PCNX2: variants seen among roughly 807,000 people sequenced by gnomAD.
PCNX2 encodes pecanex-like protein 2.
A neutral mutation model predicts 223.8 loss-of-function variants in PCNX2; 168 were observed. That is an observed-to-expected ratio of 0.75 (90% CI 0.66 to 0.85). The LOEUF is 0.85. PCNX2 is among the 40% of genes least tolerant of loss of function. PCNX2 has a pLI of 0.00. For synonymous variants in PCNX2, 1,006 were observed against 1,052.6 expected (o/e 0.96, Z 0.86); for missense variants, 2,507 against 2,675.5 (o/e 0.94, Z 1.39).
At position 233,079,052 on chromosome 1, in the gene PCNX2, C is replaced by T. The variant is rs892832621; in HGVS notation, c.4076+11009G>A. Among the ~76,000 whole-genome samples, 6 of 152,206 alleles carry T rather than the reference C, an allele frequency of 3.9e-5. No homozygotes were observed. The East Asian group carries it at 7.7e-4, about 20-fold the overall frequency. On this transcript the variant is annotated intron_variant, in intron 23 of 33. Coordinates refer to ENST00000258229, the MANE Select transcript of PCNX2 (RefSeq NM_014801.4). ...AGGCAGAGAAGGGAAGTGGAAGGAC[C>T]AGCCTAAGTCACAGGGCACCTTGGT...
intron 23 of PCNX2, among the ~76,000 whole-genome samples, chr1:233,081,669 T>C (rs911028428): frequency 6.6e-6 from 1 of 152,198 alleles, no homozygotes; most frequent in African/African-American, 2.4e-5. Flanking sequence ...GCTATAAATG[T>C]TTTGTGGTCC....
chr1:233,208,594 G>T lies in PCNX2; in HGVS notation c.2787C>A (p.His929Gln). Residue 929 changes from histidine (H) to glutamine (Q), a missense_variant, in exon 13 of 34, where the codon CAC becomes CAA. By Grantham distance (24) the His-to-Gln change is conservative. This residue lies in a region of PCNX2 where 104 missense variants were observed against 144.4 expected (regional missense o/e 0.72). Coordinates refer to ENST00000258229, the MANE Select transcript of PCNX2 (RefSeq NM_014801.4). ...GGCCATACACAACGTAACTGGGAGG[G>T]TGCCTGGCTTTGGCCCCTGTATCAA... Reference protein sequence around the residue: ...LLLDTGAKARHPPSYVVYGLK... With the variant: ...LLLDTGAKARQPPSYVVYGLK... 6.2e-7 allele frequency: 1 copy of T among 1,613,778 alleles called. No homozygotes were observed. The highest frequency in any genetic ancestry group is 8.5e-7 in the Non-Finnish European group (1 of 1,179,862).
intron 32 of PCNX2, among the ~76,000 whole-genome samples, chr1:232,988,855 C>G (rs571466381): frequency 6.6e-6 from 1 of 152,226 alleles, no homozygotes; most frequent in Admixed American, 6.5e-5. Flanking sequence ...GTTGTCAGGA[C>G]CTAGATGAGG....
At position 233,182,236 on chromosome 1, in the gene PCNX2, G is replaced by A. The variant is rs181281295; in HGVS notation, c.3067-3061C>T. Among the ~76,000 whole-genome samples the A allele has an allele frequency of 1.3e-3, 196 of 152,316 alleles. 1 individual carries two copies. The highest frequency in any genetic ancestry group is 1.5e-3 in the East Asian group (8 of 5,184). On this transcript the variant is annotated intron_variant, in intron 15 of 33. Coordinates refer to ENST00000258229, the MANE Select transcript of PCNX2 (RefSeq NM_014801.4). ...GGAGGGGTCAATGCAGCCCCCACTT[G>A]ATGACGGACACCTGAGAGCTGTTTC...
At chr1:233,038,539 A>G (rs1486495105) in intron 25 of PCNX2, among the ~76,000 whole-genome samples, 3 of 152,306 alleles carry the variant, frequency 2.0e-5, no homozygotes, top group East Asian at 3.9e-4. Flanking sequence ...TCCTATTAAC[A>G]GGTCACACAA....
chr1:233,139,544 T>G lies in PCNX2; in HGVS notation c.3659+170A>C, dbSNP rs1221671293. ...CATTTGCACCCCAGTCATTCTACAA[T>G]AACTGTCTAGCTCCAGTGGGTTTTG... On this transcript the variant is annotated intron_variant, in intron 20 of 33. Transcript: ENST00000258229. This position sits in a 1 kb window ranked among gnomAD's most constrained non-coding sequence, Gnocchi z 4.4. Among the ~76,000 whole-genome samples, 1 of 152,210 alleles carries G rather than the reference T, an allele frequency of 6.6e-6. No individual in the cohort carries two copies. The highest frequency in any genetic ancestry group is 1.5e-5 in the Non-Finnish European group (1 of 68,034).
intron 15 of PCNX2, among the ~76,000 whole-genome samples, chr1:233,186,449 C>G (rs1349702298): frequency 1.3e-5 from 2 of 152,090 alleles, no homozygotes; most frequent in Non-Finnish European, 2.9e-5. Context: ...TCACACACGG[C>G]CTGCGGAGTG....
intron 1 of PCNX2, among the ~76,000 whole-genome samples, chr1:233,275,856 C>T (rs542572265): frequency 1.3e-5 from 2 of 151,892 alleles, no homozygotes; most frequent in East Asian, 3.9e-4. Context: ...ATGGTGAAAC[C>T]CCGTCTCTAC....
At chr1:233,201,483 T>C (rs1177787038) in intron 13 of PCNX2, 9 of 152,218 alleles carry the variant, frequency 5.9e-5, no homozygotes, top group Admixed American at 5.9e-4. Context: ...TTACAGAACA[T>C]ATAGTCATGA....
At chr1:233,172,549 C>T (rs12032610) in intron 17 of PCNX2, 53,625 of 984,992 alleles carry the variant, frequency 0.054, 1,993 homozygotes, top group East Asian at 0.31. Context: ...GAGAGTGTGG[C>T]ACTTTGGTGT....
At chr1:233,325,592 C>T in the PCNX2 span, among the ~76,000 whole-genome samples, 18 of 151,646 alleles carry the variant, frequency 1.2e-4, no homozygotes, top group Admixed American at 3.3e-4. Context: ...AGGAGAATGC[C>T]GCGAACCCAG....
At chr1:233,217,986 T>G (rs1289994046) in intron 11 of PCNX2, 45 bp downstream of exon 11, 1 of 1,613,288 alleles carries the variant, frequency 6.2e-7, no homozygotes, top group East Asian at 2.2e-5. Flanking sequence ...CAAGGCTACA[T>G]TAGTGACAGC....
chr1:233,008,673 C>T (rs556058319), intron 28 of PCNX2, among the ~76,000 whole-genome samples: 10 of 152,306 alleles, frequency 6.6e-5, no homozygotes, highest in African/African-American at 2.2e-4. Flanking sequence ...TCTTCAATGA[C>T]ACAGTGGATG....
chr1:233,217,193 TAA>T (rs1446143839), intron 12 of PCNX2, among the ~76,000 whole-genome samples: 3 of 151,968 alleles, frequency 2.0e-5, no homozygotes, highest in Non-Finnish European at 4.4e-5. Context: ...CAAAAACGGC[TAA>T]GAGAGTAGAT....
chr1:233,186,676 G>C (rs987274955), intron 15 of PCNX2, among the ~76,000 whole-genome samples: 1 of 152,204 alleles, frequency 6.6e-6, no homozygotes, highest in Non-Finnish European at 1.5e-5. Context: ...CATATGGCAA[G>C]TCAGACTTCA....
chr1:233,272,634 C>T (rs1242418408), intron 1 of PCNX2, among the ~76,000 whole-genome samples: 1 of 152,184 alleles, frequency 6.6e-6, no homozygotes, highest in Non-Finnish European at 1.5e-5. Context: ...CCAGCAGTCC[C>T]ACTACTGGGT....
At chr1:233,320,682 A>G in the PCNX2 span, among the ~76,000 whole-genome samples, 3 of 152,178 alleles carry the variant, frequency 2.0e-5, no homozygotes, top group African/African-American at 7.2e-5. Context: ...TCTTTAATAC[A>G]CTTTGAATGG....
Position 233,258,408 on chromosome 1 carries a change from G to T in PCNX2, c.1454C>A (p.Ser485Ter). The change falls in exon 5 of 34, where the codon TCA becomes TAA. Residue 485 changes from serine (S) to a stop codon, truncating the protein, a stop_gained. Transcript: ENST00000258229. LOFTEE classifies it high-confidence loss of function. ...CACCGATTCCCAGGGTTCCCGTGAT[G>T]AAGAACTGTGATCCTTGATGGCATT... is the stretch of plus-strand genomic sequence containing the variant. ...GGNAIKDHSS[S>*]SREPWESVSR... 1 of 1,613,960 alleles carries T rather than the reference G, an allele frequency of 6.2e-7. No homozygotes were observed. The highest frequency in any genetic ancestry group is 8.5e-7 in the Non-Finnish European group (1 of 1,179,884).
At chr1:233,043,833 G>A (rs1671731878) in intron 25 of PCNX2, among the ~76,000 whole-genome samples, 2 of 150,604 alleles carry the variant, frequency 1.3e-5, no homozygotes, top group South Asian at 2.1e-4. Context: ...TTGGTTCCAA[G>A]TCTTTGCTAT....
Sources: allele counts gnomAD v4.1 joint callset (sites outside exome capture counted in the v4.1 genomes callset), GRCh38; gene constraint gnomAD v4.1.1; regional missense constraint gnomAD v4.1.1; non-coding constraint Gnocchi (gnomAD v3.1); transcripts MANE v1.5; gene names NCBI Gene and HGNC (gene_info 2026-07-23, HGNC 2026-07-21).